The following MARCHF1 variants were observed in gnomAD, a reference collection of about 807,000 sequenced individuals.
MARCHF1 encodes membrane associated ring-CH-type finger 1, also known as E3 ubiquitin-protein ligase MARCHF1.
MARCHF1 carries 40 observed loss-of-function variants against 54.2 expected under a neutral mutation model. The ratio of observed to expected loss-of-function variants is 0.74; its 90% CI spans 0.57 to 0.96. The LOEUF (loss-of-function observed/expected upper bound fraction) is 0.96, where lower values mean the gene tolerates loss of function less well. Ranked by LOEUF, MARCHF1 falls within the 40% of genes least tolerant of loss-of-function variation. The probability of loss-of-function intolerance (pLI) is 0.00; values close to 1 mark genes in which losing one functional copy is unlikely to be tolerated. For missense variants in MARCHF1, 586 were observed against 656.5 expected, an observed-to-expected ratio of 0.89 and a Z score of 1.17; for synonymous variants, 236 against 236.3, an observed-to-expected ratio of 1.00 and a Z score of 0.01.
intron 3 of MARCHF1, among the ~76,000 whole-genome samples, chr4:163,899,468 T>C (rs1750890347): frequency 6.6e-6 from 1 of 152,202 alleles, no homozygotes; most frequent in South Asian, 2.1e-4. Context: ...CTTTGTGTCC[T>C]ATTTCCACCT....
chr4:164,115,365 T>G (rs906966524), intron 1 of MARCHF1, among the ~76,000 whole-genome samples: 1 of 152,074 alleles, frequency 6.6e-6, no homozygotes. Flanking sequence ...AGAGACTAAA[T>G]GAAGATATGG....
intron 1 of MARCHF1, among the ~76,000 whole-genome samples, chr4:164,166,012 G>A (rs1051637930): frequency 2.0e-5 from 3 of 151,924 alleles, no homozygotes; most frequent in Non-Finnish European, 4.4e-5. Flanking sequence ...CTCAGCAAAT[G>A]ATGTAGCAAC....
At position 163,866,466 on chromosome 4, in the gene MARCHF1, T is replaced by TTTTATATATATATA. The variant is rs1553959583; in HGVS notation, c.-38-12298_-38-12297insTATATATATATAAA. Among the ~76,000 whole-genome samples, 3 of 124,406 alleles carry TTTTATATATATATA rather than the reference T, an allele frequency of 2.4e-5. 1 individual carries two copies. Among genetic ancestry groups the TTTTATATATATATA allele is most frequent in the Non-Finnish European group, 3.6e-5 (2 of 55,664 alleles). 81.6% of individuals were successfully genotyped at this position (124,406 alleles called of 152,430 possible). A position where few individuals can be genotyped will look rare whatever the true frequency, so the allele number is the denominator to read the frequency against. ...ACGTGTTCTGATTATAAAGCTGTAG[T>TTTTATATATATATA]TATATATATATATATAATAGGACTG... On this transcript the variant is annotated intron_variant, in intron 3 of 9. Transcript: ENST00000514618.
intron 2 of MARCHF1, among the ~76,000 whole-genome samples, chr4:164,032,448 A>G (rs116682779): frequency 0.01 from 1,529 of 152,186 alleles, 12 homozygotes; most frequent in Non-Finnish European, 0.016. Context: ...TGAAATCTTT[A>G]TAGCTTTCTG....
At chr4:164,132,938 T>C (rs34621070) in intron 1 of MARCHF1, among the ~76,000 whole-genome samples, 33,519 of 152,078 alleles carry the variant, frequency 0.22, 4,014 homozygotes, top group Non-Finnish European at 0.26. Flanking sequence ...CATAAATTTA[T>C]CCAGCAAGAA....
intron 1 of MARCHF1, among the ~76,000 whole-genome samples, chr4:164,242,328 C>A (rs1446861270): frequency 6.8e-6 from 1 of 146,484 alleles, no homozygotes. Flanking sequence ...CCCCTGACCC[C>A]CGAGCAGCCT....
chr4:164,360,205 T>C (rs775166123), intron 1 of MARCHF1, among the ~76,000 whole-genome samples: 1 of 152,096 alleles, frequency 6.6e-6, no homozygotes, highest in Non-Finnish European at 1.5e-5. Flanking sequence ...AGCTTCCAGC[T>C]GTATCCACTG....
intron 1 of MARCHF1, among the ~76,000 whole-genome samples, chr4:164,165,273 A>G (rs756159590): frequency 3.3e-5 from 5 of 152,068 alleles, no homozygotes; most frequent in African/African-American, 7.2e-5. Flanking sequence ...ATAGAAATAA[A>G]TAAGTTTGAA....
In MARCHF1 at chr4:163,819,598, C is replaced by A. The variant is rs538990812; in HGVS notation, c.111+34423G>T. ...TTCAAGCCTCATCAAATTTCTGACACCCTCCTACCTCTCCAAATCCCTCTC... is the reference window on the plus strand; with the variant it reads ...TTCAAGCCTCATCAAATTTCTGACAACCTCCTACCTCTCCAAATCCCTCTC... On this transcript the variant is annotated intron_variant, in intron 4 of 9. Transcript: ENST00000514618. 8.5e-5 allele frequency among the ~76,000 whole-genome samples: 13 copies of A among 152,218 alleles called. No individual in the cohort carries two copies. The South Asian group carries it at 2.5e-3, about 29-fold the overall frequency.
At chr4:163,736,669 G>A (rs1746043089) in intron 4 of MARCHF1, among the ~76,000 whole-genome samples, 1 of 151,816 alleles carries the variant, frequency 6.6e-6, no homozygotes, top group Non-Finnish European at 1.5e-5. Context: ...GACATATAGG[G>A]CTAAAGTCCT....
intron 2 of MARCHF1, among the ~76,000 whole-genome samples, chr4:163,993,420 C>T (rs1468994335): frequency 6.6e-6 from 1 of 152,064 alleles, no homozygotes; most frequent in Non-Finnish European, 1.5e-5. Context: ...ACTGAATGAT[C>T]AGCCTTCAAT....
intron 1 of MARCHF1, among the ~76,000 whole-genome samples, chr4:164,236,501 A>C (rs1732564601): frequency 6.6e-6 from 1 of 152,030 alleles, no homozygotes; most frequent in Non-Finnish European, 1.5e-5. Flanking sequence ...CACCAACAAA[A>C]AGCACTAAAA....
At chr4:164,081,237 A>G (rs1226502673) in intron 2 of MARCHF1, among the ~76,000 whole-genome samples, 4 of 145,152 alleles carry the variant, frequency 2.8e-5, no homozygotes, top group African/African-American at 7.6e-5. Flanking sequence ...AAAAAAAAAA[A>G]GAAATATTAT....
chr4:163,530,355 A>C (rs1165935818), intron 9 of MARCHF1: 1 of 152,014 alleles, frequency 6.6e-6, no homozygotes, highest in African/African-American at 2.4e-5. Flanking sequence ...ATCATGTGAT[A>C]AGATTTTGTT....
At chr4:163,993,790 T>A (rs1181801419) in intron 2 of MARCHF1, among the ~76,000 whole-genome samples, 1 of 151,868 alleles carries the variant, frequency 6.6e-6, no homozygotes, top group East Asian at 1.9e-4. Flanking sequence ...AATCCTTTTT[T>A]AAAAAGGGTA....
chr4:164,233,823 T>G (rs1168876571), intron 1 of MARCHF1, among the ~76,000 whole-genome samples: 1 of 152,130 alleles, frequency 6.6e-6, no homozygotes, highest in Non-Finnish European at 1.5e-5. Flanking sequence ...TTGGCAAAAT[T>G]TAAAGGATAT....
At chr4:164,261,988 C>G (rs1395448277) in intron 1 of MARCHF1, among the ~76,000 whole-genome samples, 5 of 151,050 alleles carry the variant, frequency 3.3e-5, no homozygotes, top group Non-Finnish European at 5.9e-5. Context: ...GTGTGTGGTC[C>G]CAGCTACTCA....
chr4:164,357,692 A>C (rs1425678511), intron 1 of MARCHF1, among the ~76,000 whole-genome samples: 1 of 152,294 alleles, frequency 6.6e-6, no homozygotes, highest in South Asian at 2.1e-4. Context: ...AGAAAATCAG[A>C]ATCTTATAAT....
chr4:163,941,050 G>A (rs1357087952), intron 3 of MARCHF1, among the ~76,000 whole-genome samples: 6 of 152,070 alleles, frequency 3.9e-5, no homozygotes, highest in African/African-American at 1.2e-4. Flanking sequence ...AATAATACAA[G>A]GATTAAATAG....
Sources: allele counts gnomAD v4.1 joint callset (sites outside exome capture counted in the v4.1 genomes callset), GRCh38; gene constraint gnomAD v4.1.1; transcripts MANE v1.5; gene names NCBI Gene and HGNC (gene_info 2026-07-23, HGNC 2026-07-21).